CADPS2: variants seen among roughly 807,000 people sequenced by gnomAD.
The protein encoded by CADPS2 is calcium-dependent secretion activator 2.
Under a neutral mutation model 172.5 loss-of-function variants are expected in CADPS2, and 93 were observed. The observed-to-expected ratio is 0.54, with a 90% CI of 0.46 to 0.64. CADPS2 has a LOEUF of 0.64. Among genes scored for constraint, CADPS2 ranks in the 30% least tolerant of loss-of-function variants. CADPS2 has a pLI of 0.00. For synonymous variants in CADPS2, 546 were observed against 555.2 expected (o/e 0.98, Z 0.23); for missense variants, 1,420 against 1,565.9 (o/e 0.91, Z 1.57).
intron 8 of CADPS2, among the ~76,000 whole-genome samples, chr7:122,519,299 C>T (rs1167213837): frequency 6.6e-6 from 1 of 151,994 alleles, no homozygotes; most frequent in Non-Finnish European, 1.5e-5. Flanking sequence ...AAAATAACTG[C>T]CCAGATACTA....
At chr7:122,685,245 T>C (rs146454498) in intron 2 of CADPS2, among the ~76,000 whole-genome samples, 107 of 152,294 alleles carry the variant, frequency 7.0e-4, no homozygotes, top group African/African-American at 2.5e-3. Context: ...GAAGAGAAAC[T>C]AGGCTCTCTG....
intron 1 of CADPS2, among the ~76,000 whole-genome samples, chr7:122,790,234 A>C (rs1038156723): frequency 1.3e-5 from 2 of 151,802 alleles, no homozygotes; most frequent in African/African-American, 4.8e-5. Context: ...CTGTGTCTAC[A>C]GAAAAATTTT....
Position 122,564,586 on chromosome 7 carries a change from T to A in CADPS2, c.1336-9897A>T, listed in dbSNP as rs569664377. 6.6e-5 allele frequency among the ~76,000 whole-genome samples: 10 copies of A among 152,086 alleles called. No homozygotes were observed. The South Asian group carries it at 2.1e-3, about 32-fold the overall frequency. On this transcript the variant is annotated intron_variant, in intron 7 of 29. Transcript: ENST00000449022. ...ACTCCCAAAGTGCTGGGATTACAGG[T>A]GTGAGCCACCATACCTGGCTGGAGA... is the stretch of plus-strand genomic sequence containing the variant.
At chr7:122,595,177 T>TTTCAAATG (rs1172038241) in intron 6 of CADPS2, among the ~76,000 whole-genome samples, 1 of 151,912 alleles carries the variant, frequency 6.6e-6, no homozygotes, top group Non-Finnish European at 1.5e-5. Context: ...AAAAAAATCC[T>TTTCAAATG]TTCAAATGTA....
In CADPS2 at chr7:122,820,562, T is replaced by TG. The variant is rs1043048379; in HGVS notation, c.339+65436_339+65437insC. Reference sequence around the variant, plus strand: ...TTACTGTTTTTTGTTTTTTGTTTTTTTTTTTTTTTTTTTTTGAGACGGAGT... The same window carrying TG: ...TTACTGTTTTTTGTTTTTTGTTTTTTGTTTTTTTTTTTTTTTGAGACGGAGT... On this transcript the variant is annotated intron_variant, in intron 1 of 29. Coordinates refer to ENST00000449022, the MANE Select transcript of CADPS2 (RefSeq NM_017954.11). Among the ~76,000 whole-genome samples, 22 of 114,696 alleles carry TG rather than the reference T, an allele frequency of 1.9e-4. No homozygotes were observed. In the East Asian group the frequency reaches 2.0e-3, roughly 10 times the overall value. 75.2% of individuals were successfully genotyped at this position (114,696 alleles called of 152,430 possible).
chr7:122,420,135 C>T (rs1269901308), intron 17 of CADPS2, among the ~76,000 whole-genome samples: 2 of 152,136 alleles, frequency 1.3e-5, no homozygotes, highest in Admixed American at 1.3e-4. Context: ...AATAATATTA[C>T]AATGACTTGA....
At chr7:122,725,593 G>GA (rs1183343211) in intron 2 of CADPS2, among the ~76,000 whole-genome samples, 3 of 127,882 alleles carry the variant, frequency 2.3e-5, no homozygotes, top group East Asian at 4.7e-4. Flanking sequence ...AAACCACAAT[G>GA]AGATAGCATC....
At chr7:122,735,165 G>GATGT (rs2092055582) in intron 2 of CADPS2, among the ~76,000 whole-genome samples, 1 of 152,074 alleles carries the variant, frequency 6.6e-6, no homozygotes, top group African/African-American at 2.4e-5. Context: ...ATCAAGTTGT[G>GATGT]ATGCTATACT....
At chr7:122,322,813 C>A (rs556474199) in intron 29 of CADPS2, among the ~76,000 whole-genome samples, 5 of 152,192 alleles carry the variant, frequency 3.3e-5, no homozygotes, top group African/African-American at 1.2e-4. Flanking sequence ...GTAAAGTTGG[C>A]TATTACATAA....
At position 122,837,982 on chromosome 7, in the gene CADPS2, A is replaced by G. The variant is rs1809091552; in HGVS notation, c.339+48017T>C. 2.6e-5 allele frequency among the ~76,000 whole-genome samples: 4 copies of G among 152,344 alleles called. No homozygotes were observed. In the South Asian group the frequency reaches 8.3e-4, roughly 32 times the overall value. ...CCTGGCAGAGACACAACAAAAAAAG[A>G]GAATTTTAGACGAATATGCCTGATG... is the stretch of plus-strand genomic sequence containing the variant. On this transcript the variant is annotated intron_variant, in intron 1 of 29. Transcript: ENST00000449022.
In CADPS2 at chr7:122,568,559, T is replaced by C. The variant is rs555703435; in HGVS notation, c.1335+12620A>G. Among the ~76,000 whole-genome samples, 8 of 152,252 alleles carry C rather than the reference T, an allele frequency of 5.3e-5. No homozygotes were observed. The South Asian group carries it at 1.5e-3, about 28-fold the overall frequency. The stretch of plus-strand genomic sequence containing the variant: ...GAGTCCAGGAATAGGCTTACAGATA[T>C]ATAGATAATTGATTTTTCACAAAGA... On this transcript the variant is annotated intron_variant, in intron 7 of 29. Coordinates refer to ENST00000449022, the MANE Select transcript of CADPS2 (RefSeq NM_017954.11).
chr7:122,841,729 G>C (rs920512405), intron 1 of CADPS2, among the ~76,000 whole-genome samples: 21 of 152,304 alleles, frequency 1.4e-4, no homozygotes, highest in African/African-American at 5.0e-4. Context: ...ACGAAGAGTT[G>C]CCTTAAATTT....
intron 1 of CADPS2, among the ~76,000 whole-genome samples, chr7:122,765,238 T>C (rs1254494610): frequency 1.3e-5 from 2 of 152,180 alleles, no homozygotes; most frequent in African/African-American, 4.8e-5. Context: ...CAAATTACAG[T>C]TCCATCAAGT....
chr7:122,714,468 A>G (rs1159528976), intron 2 of CADPS2, among the ~76,000 whole-genome samples: 1 of 152,074 alleles, frequency 6.6e-6, no homozygotes, highest in Non-Finnish European at 1.5e-5. Flanking sequence ...TTAATGTTTT[A>G]CTATCATCAT....
chr7:122,387,666 T>G (rs186145958), intron 23 of CADPS2, among the ~76,000 whole-genome samples: 1 of 152,138 alleles, frequency 6.6e-6, no homozygotes, highest in African/African-American at 2.4e-5. Context: ...TTATGTCACT[T>G]ACATTCTCTT....
At chr7:122,579,731 T>G (rs2068556549) in intron 7 of CADPS2, among the ~76,000 whole-genome samples, 1 of 152,038 alleles carries the variant, frequency 6.6e-6, no homozygotes, top group Non-Finnish European at 1.5e-5. Context: ...TATTAGATTA[T>G]GCTACCTGCA....
Position 122,360,793 on chromosome 7 carries a change from C to T in CADPS2, c.3499G>A (p.Val1167Ile), listed in dbSNP as rs552411319. 1.9e-6 allele frequency: 3 copies of T among 1,556,914 alleles called. No individual in the cohort carries two copies. Among genetic ancestry groups the T allele is most frequent in the East Asian group, 4.7e-5 (2 of 42,566 alleles). ...TVKAAAKYVD[V>I]PKPGMDLADT... ...AGCAGATAAAAAATACTTACTGGAA[C>T]ATCAACATATTTTGCAGCTGCTTTC... The change falls in exon 27 of 30, where the codon GTT becomes ATT. Residue 1167 changes from valine to isoleucine, a missense_variant. By Grantham distance (29) the Val-to-Ile change is conservative. Transcript: ENST00000449022.
In CADPS2 at chr7:122,439,861, A is replaced by G. The variant is rs187153784; in HGVS notation, c.2353-1397T>C. ...CACGAACGTTACTATTATACTTCCC[A>G]TGGCAACAAACTTTACATAACAAAA... On this transcript the variant is annotated intron_variant, in intron 16 of 29. Coordinates refer to ENST00000449022, the MANE Select transcript of CADPS2 (RefSeq NM_017954.11). Among the ~76,000 whole-genome samples the G allele has an allele frequency of 6.6e-5, 10 of 152,256 alleles. No individual in the cohort carries two copies. In the East Asian group the frequency reaches 1.7e-3, roughly 27 times the overall value.
chr7:122,757,016 T>G (rs553896122), intron 1 of CADPS2, among the ~76,000 whole-genome samples: 1 of 152,130 alleles, frequency 6.6e-6, no homozygotes, highest in Non-Finnish European at 1.5e-5. Flanking sequence ...ACGGACACCT[T>G]TGACAATGAT....
Sources: gnomAD v4.1 joint callset for allele counts (sites outside exome capture counted in the v4.1 genomes callset) on GRCh38, gnomAD v4.1.1 for gene constraint, MANE v1.5 for transcripts, NCBI Gene and HGNC (gene_info 2026-07-23, HGNC 2026-07-21) for gene names.